NCOA2: variants seen among roughly 807,000 people sequenced by gnomAD.
NCOA2 encodes nuclear receptor coactivator 2, also known as class E basic helix-loop-helix protein 75.
Under a neutral mutation model 145.1 loss-of-function variants are expected in NCOA2, and 21 were observed. The observed-to-expected ratio is 0.14, with a 90% CI of 0.10 to 0.21. The LOEUF is 0.21. Ranked by LOEUF, NCOA2 falls within the 10% of genes least tolerant of loss-of-function variation. The pLI, the probability that NCOA2 is intolerant of heterozygous loss-of-function variation, is 1.00. For synonymous variants in NCOA2, 619 were observed against 637.5 expected (o/e 0.97, Z 0.44); for missense variants, 1,472 against 1,837.6 (o/e 0.80, Z 3.64).
chr8:70,151,104 T>C (rs1205233465), intron 11 of NCOA2, among the ~76,000 whole-genome samples: 2 of 152,154 alleles, frequency 1.3e-5, no homozygotes, highest in Non-Finnish European at 2.9e-5. Flanking sequence ...AAGTGATGAG[T>C]TGCCTCTTGA....
intron 4 of NCOA2, among the ~76,000 whole-genome samples, chr8:70,210,740 CT>C (rs758801977): frequency 2.0e-5 from 3 of 152,144 alleles, no homozygotes; most frequent in African/African-American, 4.8e-5. Context: ...CACGTCATAG[CT>C]TCTGACACTG....
At chr8:70,379,679 T>G (rs1812011091) in intron 1 of NCOA2, among the ~76,000 whole-genome samples, 1 of 152,186 alleles carries the variant, frequency 6.6e-6, no homozygotes, top group Non-Finnish European at 1.5e-5. Context: ...CATTCAAAAT[T>G]TTAATATATT....
chr8:70,266,155 CAAAAACAAAA>C (rs1824568808), intron 2 of NCOA2, among the ~76,000 whole-genome samples: 8 of 151,576 alleles, frequency 5.3e-5, no homozygotes, highest in Admixed American at 5.2e-4. Context: ...GTCTCAAAAA[CAAAAACAAAA>C]ACAAACAAAC....
intron 2 of NCOA2, among the ~76,000 whole-genome samples, chr8:70,263,646 G>A (rs907170815): frequency 9.9e-5 from 15 of 151,174 alleles, no homozygotes; most frequent in African/African-American, 3.2e-4. Context: ...GGAGAATGGC[G>A]TGAACCCGGG....
At chr8:70,179,022 C>T (rs1815176630) in intron 4 of NCOA2, among the ~76,000 whole-genome samples, 1 of 151,980 alleles carries the variant, frequency 6.6e-6, no homozygotes, top group South Asian at 2.1e-4. Flanking sequence ...AGGTTAATTG[C>T]AAGAGAAGCT....
intron 1 of NCOA2, among the ~76,000 whole-genome samples, chr8:70,322,662 T>A (rs1439454766): frequency 6.6e-6 from 1 of 152,188 alleles, no homozygotes; most frequent in African/African-American, 2.4e-5. Flanking sequence ...TTAGTTAACC[T>A]CCCTCGGCCT....
chr8:70,386,517 C>T (rs923378179), intron 1 of NCOA2, among the ~76,000 whole-genome samples: 1 of 152,016 alleles, frequency 6.6e-6, no homozygotes, highest in Non-Finnish European at 1.5e-5. Context: ...GTAAAATAAA[C>T]AGTCCAAAAA....
intron 2 of NCOA2, among the ~76,000 whole-genome samples, chr8:70,261,309 G>C (rs1824103347): frequency 6.6e-6 from 1 of 152,122 alleles, no homozygotes; most frequent in Non-Finnish European, 1.5e-5. Flanking sequence ...TAGGGACATG[G>C]ATGAAATTGG....
chr8:70,415,077 A>T, the NCOA2 span, among the ~76,000 whole-genome samples: 3 of 152,276 alleles, frequency 2.0e-5, no homozygotes, highest in East Asian at 5.8e-4. Context: ...CTGAGGTGGG[A>T]GGATTGCTTG....
chr8:70,305,222 G>A (rs764123975), intron 1 of NCOA2, among the ~76,000 whole-genome samples: 3 of 151,440 alleles, frequency 2.0e-5, no homozygotes, highest in Non-Finnish European at 4.4e-5. Flanking sequence ...AAAGGGCAGC[G>A]GCAGTCTTTA....
intron 1 of NCOA2, among the ~76,000 whole-genome samples, chr8:70,390,145 T>C (rs185039365): frequency 9.8e-5 from 15 of 152,346 alleles, no homozygotes; most frequent in African/African-American, 3.6e-4. Flanking sequence ...TTTTAAATAT[T>C]AATTCCACAA....
At chr8:70,365,315 G>C (rs1030494873) in intron 1 of NCOA2, among the ~76,000 whole-genome samples, 5 of 152,192 alleles carry the variant, frequency 3.3e-5, no homozygotes, top group Admixed American at 3.3e-4. Flanking sequence ...CTAGGCGACA[G>C]AGCGAGACTC....
At chr8:70,325,137 A>C (rs1235587609) in intron 1 of NCOA2, among the ~76,000 whole-genome samples, 1 of 152,180 alleles carries the variant, frequency 6.6e-6, no homozygotes, top group Non-Finnish European at 1.5e-5. Flanking sequence ...CTTTCCTGTT[A>C]AACAGTGCTG....
chr8:70,157,076 G>C lies in NCOA2; in HGVS notation c.1289C>G (p.Pro430Arg). 6.2e-7 allele frequency: 1 copy of C among 1,613,970 alleles called. No homozygotes were observed. The highest frequency in any genetic ancestry group is 8.5e-7 in the Non-Finnish European group (1 of 1,179,894). The change falls in exon 11 of 23, where the codon CCA becomes CGA. Residue 430 changes from proline (P) to arginine (R), a missense_variant. Pro to Arg is a moderately radical substitution (Grantham distance 103). Transcript: ENST00000452400. ...CATGGGCATGCCCATTTGTTCCTTT[G>C]GGCCATTTATGGGAAAATTTATATT... ...SSNINFPING[P>R]KEQMGMPMGR...
chr8:70,113,810 C>T (rs139014983), intron 22 of NCOA2, among the ~76,000 whole-genome samples, 167 bp from the exon 23 acceptor site: 17 of 152,196 alleles, frequency 1.1e-4, no homozygotes, highest in East Asian at 7.7e-4. Context: ...AGGCAGAGGG[C>T]GCCATTCCTC....
chr8:70,165,667 T>C (rs1163146152), intron 7 of NCOA2, among the ~76,000 whole-genome samples: 2 of 151,966 alleles, frequency 1.3e-5, no homozygotes, highest in East Asian at 3.9e-4. Context: ...AAGCTTAGAG[T>C]CTAAAACCCC....
chr8:70,359,500 T>A (rs1222018806), intron 1 of NCOA2, among the ~76,000 whole-genome samples: 2 of 152,160 alleles, frequency 1.3e-5, no homozygotes, highest in African/African-American at 4.8e-5. Context: ...ATATGAAATA[T>A]CCAGAATAGG....
At chr8:70,187,046 C>T (rs1279024073) in intron 4 of NCOA2, among the ~76,000 whole-genome samples, 1 of 152,120 alleles carries the variant, frequency 6.6e-6, no homozygotes, top group Non-Finnish European at 1.5e-5. Context: ...ATCAACCAAC[C>T]TTCCACAACT....
intron 1 of NCOA2, among the ~76,000 whole-genome samples, chr8:70,341,661 A>C (rs1808154094): frequency 6.6e-6 from 1 of 152,236 alleles, no homozygotes; most frequent in Non-Finnish European, 1.5e-5. Flanking sequence ...AATATTACTC[A>C]TGACTGCTCT....
Sources: gnomAD v4.1 joint callset for allele counts (sites outside exome capture counted in the v4.1 genomes callset) on GRCh38, gnomAD v4.1.1 for gene constraint, MANE v1.5 for transcripts, NCBI Gene and HGNC (gene_info 2026-07-23, HGNC 2026-07-21) for gene names.